CTDSPL: variants seen among roughly 807,000 people sequenced by gnomAD.
The protein encoded by CTDSPL is CTD small phosphatase like.
CTDSPL carries 8 observed loss-of-function variants against 30.5 expected under a neutral mutation model. The observed-to-expected ratio is 0.26, with a 90% confidence interval of 0.15 to 0.47. The LOEUF is 0.47. Ranked by LOEUF, CTDSPL falls within the 20% of genes least tolerant of loss-of-function variation. CTDSPL has a pLI of 0.99. For missense variants in CTDSPL, 248 were observed against 366.1 expected, an observed-to-expected ratio of 0.68 and a Z score of 2.63; for synonymous variants, 110 against 137.9, an observed-to-expected ratio of 0.80 and a Z score of 1.42.
intron 3 of CTDSPL, among the ~76,000 whole-genome samples, chr3:37,959,826 TC>T (rs1699215392): frequency 6.6e-6 from 1 of 152,226 alleles, no homozygotes. Context: ...TAATTTACAT[TC>T]TCATGAATTA....
Position 37,862,140 on chromosome 3 carries a change from C to T in CTDSPL, c.-60C>T, listed in dbSNP as rs1697947312. ...GCGCCCCCGCGCCCCCCGCGCCGCG[C>T]CCCCGCGCGCTTGGCTTGCGGGGGG... is the stretch of plus-strand genomic sequence containing the variant. On this transcript the variant is annotated 5_prime_UTR_variant, in exon 1 of 8. Coordinates refer to ENST00000273179, the MANE Select transcript of CTDSPL (RefSeq NM_001008392.2). The surrounding 1 kb of genome is among the most constrained non-coding windows in gnomAD (Gnocchi z 4.3). 6.7e-6 allele frequency: 6 copies of T among 893,286 alleles called. No individual in the cohort carries two copies. Among genetic ancestry groups the T allele is most frequent in the Non-Finnish European group, 6.7e-6 (5 of 749,824 alleles). The allele number at this position is 893,286 out of a possible 1,614,324, so 55.3% of individuals were successfully genotyped here.
chr3:37,943,719 G>T (rs1376562641), intron 1 of CTDSPL, among the ~76,000 whole-genome samples: 2 of 150,160 alleles, frequency 1.3e-5, no homozygotes, highest in African/African-American at 4.8e-5. Context: ...CAGTGGAAAC[G>T]TAAAGGGGGC....
intron 1 of CTDSPL, among the ~76,000 whole-genome samples, chr3:37,889,344 G>A (rs747478453): frequency 6.6e-6 from 1 of 152,106 alleles, no homozygotes; most frequent in Non-Finnish European, 1.5e-5. Context: ...TTAAAACTTA[G>A]CACATTTGAG....
chr3:37,948,837 G>A (rs1226202304), intron 2 of CTDSPL, among the ~76,000 whole-genome samples: 3 of 95,188 alleles, frequency 3.2e-5, no homozygotes, highest in African/African-American at 1.5e-4. Context: ...TTTTTGAGAC[G>A]GAGTCTCGCT....
At chr3:37,957,729 C>A (rs754089611) in intron 3 of CTDSPL, among the ~76,000 whole-genome samples, 5 of 152,298 alleles carry the variant, frequency 3.3e-5, no homozygotes, top group East Asian at 1.9e-4. Flanking sequence ...CTGAGGCCAC[C>A]CCCACTTCTG....
chr3:37,969,936 GT>G (rs1699347747), intron 5 of CTDSPL, among the ~76,000 whole-genome samples: 1 of 152,186 alleles, frequency 6.6e-6, no homozygotes, highest in African/African-American at 2.4e-5. Flanking sequence ...CACCCAGCAT[GT>G]GGTGCAGAGC....
rs560432975 is a variant in CTDSPL, at chr3:37,984,418, A to G, written c.*3551A>G. On this transcript the variant is annotated 3_prime_UTR_variant, in exon 8 of 8. Transcript: ENST00000273179. ...TTTCCAGGGGCGAGTATTGTCAATC[A>G]AAAGGTTTGCAATGATTTCCTTCCT... 2 of 418,022 alleles carry G rather than the reference A, an allele frequency of 4.8e-6. No individual in the cohort carries two copies. Among genetic ancestry groups the G allele is most frequent in the Non-Finnish European group, 9.9e-6 (2 of 202,096 alleles). The allele number at this position is 418,022 out of a possible 1,614,324, so 25.9% of individuals were successfully genotyped here.
intron 1 of CTDSPL, among the ~76,000 whole-genome samples, chr3:37,870,708 T>C (rs1698062415): frequency 6.6e-6 from 1 of 152,248 alleles, no homozygotes; most frequent in Admixed American, 6.5e-5. Flanking sequence ...TACAAGTTTC[T>C]CTCTCAACAC....
At chr3:37,966,224 T>G (rs1327274443) in intron 4 of CTDSPL, among the ~76,000 whole-genome samples, 1 of 152,194 alleles carries the variant, frequency 6.6e-6, no homozygotes, top group Non-Finnish European at 1.5e-5. Context: ...ATGTGAATGG[T>G]GTTTCCTCAT....
intron 1 of CTDSPL, among the ~76,000 whole-genome samples, chr3:37,918,720 G>A (rs953186319): frequency 2.0e-5 from 3 of 152,082 alleles, no homozygotes; most frequent in African/African-American, 4.8e-5. Flanking sequence ...TTTGTTTTGT[G>A]CTTGTTTGCA....
intron 3 of CTDSPL, among the ~76,000 whole-genome samples, chr3:37,960,517 T>A (rs1232950124): frequency 2.7e-4 from 14 of 51,586 alleles, no homozygotes; most frequent in African/African-American, 9.5e-4. Context: ...TATATATATA[T>A]ATATATATAT....
chr3:37,960,179 C>T (rs1279658269), intron 3 of CTDSPL, among the ~76,000 whole-genome samples: 6 of 152,136 alleles, frequency 3.9e-5, no homozygotes, highest in African/African-American at 9.6e-5. Flanking sequence ...AACCCCATCT[C>T]TACTGAAAAT....
chr3:37,948,241 G>A (rs1423637130), intron 2 of CTDSPL, among the ~76,000 whole-genome samples: 3 of 151,932 alleles, frequency 2.0e-5, no homozygotes, highest in East Asian at 1.9e-4. Context: ...CCAAGATCAC[G>A]CCACTGCACT....
chr3:37,942,646 A>G (rs1698991305), intron 1 of CTDSPL, among the ~76,000 whole-genome samples: 1 of 150,390 alleles, frequency 6.6e-6, no homozygotes, highest in Non-Finnish European at 1.5e-5. Context: ...CTGTCTTTAA[A>G]AAACAAACAA....
chr3:37,878,292 C>T (rs537053449), intron 1 of CTDSPL, among the ~76,000 whole-genome samples: 30 of 152,054 alleles, frequency 2.0e-4, no homozygotes, highest in African/African-American at 7.2e-4. Context: ...AGATTTTCTC[C>T]TGTGTTTTCT....
chr3:37,911,584 C>T, intron 1 of CTDSPL: 1 of 436,076 alleles, frequency 2.3e-6, no homozygotes, highest in Admixed American at 2.4e-5. Flanking sequence ...TCCACTGAAC[C>T]CCCAACATGA....
chr3:37,923,188 A>G (rs1456238554), intron 1 of CTDSPL, among the ~76,000 whole-genome samples: 1 of 152,218 alleles, frequency 6.6e-6, no homozygotes, highest in Non-Finnish European at 1.5e-5. Context: ...ACTGCTGAGC[A>G]TATGGGGAGA....
chr3:37,969,840 C>A (rs999978437), intron 5 of CTDSPL, among the ~76,000 whole-genome samples: 1 of 152,216 alleles, frequency 6.6e-6, no homozygotes, highest in Non-Finnish European at 1.5e-5. Flanking sequence ...CCATGAATTT[C>A]CCACTGAGTC....
intron 3 of CTDSPL, among the ~76,000 whole-genome samples, chr3:37,958,399 T>A (rs1699198899): frequency 6.6e-6 from 1 of 152,232 alleles, no homozygotes; most frequent in Admixed American, 6.5e-5. Context: ...GCAGAGTTAA[T>A]ACCAGAAGAC....
Sources: allele counts gnomAD v4.1 joint callset (sites outside exome capture counted in the v4.1 genomes callset), GRCh38; gene constraint gnomAD v4.1.1; non-coding constraint Gnocchi (gnomAD v3.1); transcripts MANE v1.5; gene names NCBI Gene and HGNC (gene_info 2026-07-23, HGNC 2026-07-21).